Variants in POFUT2 observed in about 807,000 individuals in gnomAD.
The protein encoded by POFUT2 is GDP-fucose protein O-fucosyltransferase 2.
POFUT2 carries 30 observed loss-of-function variants against 55.0 expected under a neutral mutation model. The ratio of observed to expected loss-of-function variants is 0.55; its 90% CI spans 0.41 to 0.74. The LOEUF (loss-of-function observed/expected upper bound fraction) is 0.74. POFUT2 is among the 30% of genes least tolerant of loss of function. The pLI is 0.00. For synonymous variants in POFUT2, 267 were observed against 231.1 expected (o/e 1.16, Z -1.41); for missense variants, 524 against 562.6 (o/e 0.93, Z 0.69).
Position 45,265,878 on chromosome 21 carries a change from A to G in POFUT2, c.1137-243T>C. 1 of 1,357,398 alleles carries G rather than the reference A, an allele frequency of 7.4e-7. No homozygotes were observed. The highest frequency in any genetic ancestry group is 9.5e-7 in the Non-Finnish European group (1 of 1,049,632). The allele number at this position is 1,357,398 out of a possible 1,614,324, so 84.1% of individuals were successfully genotyped here. On this transcript the variant is annotated intron_variant, in intron 8 of 8. Coordinates refer to ENST00000349485, the MANE Select transcript of POFUT2 (RefSeq NM_133635.6). The surrounding 1 kb of genome is among the most constrained non-coding windows in gnomAD (Gnocchi z 4.6). ...TGCTGCAGCCCCATCCACACCCCAC[A>G]GTCAGCAGCCGCCACGCTCCTGTCC...
chr21:45,283,962 C>A (rs1263535643), intron 2 of POFUT2, among the ~76,000 whole-genome samples: 1 of 152,234 alleles, frequency 6.6e-6, no homozygotes, highest in Non-Finnish European at 1.5e-5. Context: ...CCACCATCTA[C>A]TGCACTGGTG....
At chr21:45,286,570 G>A (rs923016528) in intron 1 of POFUT2, among the ~76,000 whole-genome samples, 1 of 152,168 alleles carries the variant, frequency 6.6e-6, no homozygotes, top group African/African-American at 2.4e-5. Context: ...TGAAAAAGGC[G>A]TATAATACTC....
At position 45,284,118 on chromosome 21, in the gene POFUT2, G is replaced by A. The variant is rs1299624165; in HGVS notation, c.383-591C>T. ...CAAAGGCAGCAGGAATAAAGCGGGA[G>A]GGAGCACCGCGCAGGTGAAGTTCTG... On this transcript the variant is annotated intron_variant, in intron 2 of 8. Transcript: ENST00000349485. The surrounding 1 kb of genome is among the most constrained non-coding windows in gnomAD (Gnocchi z 5.8). Among the ~76,000 whole-genome samples, 3 of 151,808 alleles carry A rather than the reference G, an allele frequency of 2.0e-5. No individual in the cohort carries two copies. Among genetic ancestry groups the A allele is most frequent in the Non-Finnish European group, 4.4e-5 (3 of 68,014 alleles).
At chr21:45,275,441 G>A (rs570277491) in intron 6 of POFUT2, among the ~76,000 whole-genome samples, 76 of 152,300 alleles carry the variant, frequency 5.0e-4, no homozygotes, top group African/African-American at 1.7e-3. Context: ...AGGAAAAGAA[G>A]CCACTATATG....
chr21:45,271,456 A>G (rs2146578632), intron 6 of POFUT2, among the ~76,000 whole-genome samples: 2 of 152,364 alleles, frequency 1.3e-5, no homozygotes, highest in Non-Finnish European at 2.9e-5. Context: ...AGAGTAATCT[A>G]AAAGTTTGGA....
chr21:45,286,295 C>T (rs2031399273), intron 1 of POFUT2, among the ~76,000 whole-genome samples: 1 of 152,076 alleles, frequency 6.6e-6, no homozygotes. Context: ...ATTGATACGT[C>T]CTATGTTAGA....
chr21:45,279,462 C>T (rs192080015), intron 4 of POFUT2, among the ~76,000 whole-genome samples: 2 of 152,168 alleles, frequency 1.3e-5, no homozygotes, highest in African/African-American at 4.8e-5. Flanking sequence ...AGCAACATAT[C>T]TAAGTTGGCA....
intron 7 of POFUT2, 44 bp downstream of exon 7, chr21:45,269,795 A>C (rs2093201569): frequency 6.5e-7 from 1 of 1,549,420 alleles, no homozygotes; most frequent in Non-Finnish European, 8.7e-7. Context: ...TAAAAAAAAT[A>C]AATTAAAAGA....
chr21:45,276,447 T>G (rs1039299560), intron 6 of POFUT2, among the ~76,000 whole-genome samples: 1 of 152,094 alleles, frequency 6.6e-6, no homozygotes, highest in African/African-American at 2.4e-5. Context: ...TAAAAAACGC[T>G]AAAAACAGAC....
chr21:45,273,294 A>G (rs761881632), intron 6 of POFUT2, among the ~76,000 whole-genome samples: 3 of 152,158 alleles, frequency 2.0e-5, no homozygotes, highest in Non-Finnish European at 4.4e-5. Context: ...CAAGAGGATA[A>G]ATTCCTGGAA....
chr21:45,282,350 G>A lies in POFUT2; in HGVS notation c.637C>T (p.Arg213Trp), dbSNP rs771723355. ...APLLLRNTSA[R>W]SVMLDRAENL... ...TCCCGGGGGGCCTGGGGCACTCACC[G>A]GGCTGATGTGTTTCTCAGCAGCAGG... Residue 213 changes from arginine to tryptophan, a missense_variant and splice_region_variant, in exon 4 of 9, where the codon CGG becomes TGG. By Grantham distance (101) the Arg-to-Trp change is moderately radical. Around this residue, in one of 2 missense-constraint regions of POFUT2, gnomAD observed 250 missense variants for 318.2 expected, o/e 0.79. Transcript: ENST00000349485. The surrounding 1 kb of genome is among the most constrained non-coding windows in gnomAD (Gnocchi z 4.6). The A allele has an allele frequency of 6.9e-6, 11 of 1,602,252 alleles. No homozygotes were observed. Among genetic ancestry groups the A allele is most frequent in the African/African-American group, 2.7e-5 (2 of 74,690 alleles).
chr21:45,271,013 T>A (rs983976013), intron 6 of POFUT2, among the ~76,000 whole-genome samples: 1 of 152,178 alleles, frequency 6.6e-6, no homozygotes, highest in Non-Finnish European at 1.5e-5. Flanking sequence ...AAGATCATAG[T>A]AGCTCCCCAG....
intron 4 of POFUT2, among the ~76,000 whole-genome samples, chr21:45,280,296 T>C (rs926653287): frequency 1.2e-4 from 18 of 152,216 alleles, no homozygotes; most frequent in Non-Finnish European, 2.6e-4. Context: ...TCTTTTTCTT[T>C]TTTTTTACTG....
intron 8 of POFUT2, chr21:45,266,567 A>G: frequency 1.9e-6 from 2 of 1,070,452 alleles, no homozygotes; most frequent in Non-Finnish European, 2.3e-6. Flanking sequence ...ACACCTGAGA[A>G]GCAGGGGTGA....
rs1030593176 is a variant in POFUT2 at position 45,264,154 on chromosome 21, G to A, written c.*1328C>T. 6.6e-6 allele frequency: 1 copy of A among 152,258 alleles called. No individual in the cohort carries two copies. Among genetic ancestry groups the A allele is most frequent in the African/African-American group, 2.4e-5 (1 of 41,468 alleles). The allele number at this position is 152,258 out of a possible 1,614,324, so 9.4% of individuals were successfully genotyped here. ...AGGGTCAATTTTAAAAGCTTGAGAA[G>A]ACACAGCAAGGTGATGTCCTAGACT... is the stretch of plus-strand genomic sequence containing the variant. On this transcript the variant is annotated 3_prime_UTR_variant, in exon 9 of 9. Coordinates refer to ENST00000349485, the MANE Select transcript of POFUT2 (RefSeq NM_133635.6).
chr21:45,278,244 C>T, intron 4 of POFUT2, 75 bp from the exon 5 acceptor site: 1 of 1,269,982 alleles, frequency 7.9e-7, no homozygotes, highest in Non-Finnish European at 1.2e-6. Flanking sequence ...AGAGCACAAA[C>T]TGGGAGAACC....
At chr21:45,275,279 C>T (rs1011381619) in intron 6 of POFUT2, among the ~76,000 whole-genome samples, 4 of 152,170 alleles carry the variant, frequency 2.6e-5, no homozygotes, top group African/African-American at 7.2e-5. Context: ...TAATGGATGT[C>T]GGCACGGATG....
At position 45,285,885 on chromosome 21, in the gene POFUT2, G is replaced by A. The variant is rs538791199; in HGVS notation, c.175C>T (p.Arg59Cys). The A allele has an allele frequency of 1.1e-5, 18 of 1,612,156 alleles. No individual in the cohort carries two copies. Among genetic ancestry groups the A allele is most frequent in the East Asian group, 6.7e-5 (3 of 44,874 alleles). ...GCGATTCGGATATAGACATCCCTGC[G>A]CAGGTTGAAGCCTTCCGGGGGGTTG... ...DVNPPEGFNLRRDVYIRIASL... is the reference protein window; with the variant it reads ...DVNPPEGFNLCRDVYIRIASL... The change falls in exon 2 of 9, where the codon CGC (arginine) becomes TGC (cysteine). Residue 59 changes from arginine (R) to cysteine (C), a missense_variant. Around this residue, in one of 2 missense-constraint regions of POFUT2, gnomAD observed 274 missense variants for 244.4 expected, o/e 1.12. Transcript: ENST00000349485. This position sits in a 1 kb window ranked among gnomAD's most constrained non-coding sequence, Gnocchi z 4.9.
chr21:45,267,804 T>G lies in POFUT2; in HGVS notation c.1013-91A>C. On this transcript the variant is annotated intron_variant, in intron 7 of 8. Coordinates refer to ENST00000349485, the MANE Select transcript of POFUT2 (RefSeq NM_133635.6). The surrounding 1 kb of genome is among the most constrained non-coding windows in gnomAD (Gnocchi z 4.4). ...TAGCAGACAGACATGCGTACTTGGCTTCTGGTTAATTCGTTAGGAACTGGC... is the reference window on the plus strand; with the variant it reads ...TAGCAGACAGACATGCGTACTTGGCGTCTGGTTAATTCGTTAGGAACTGGC... 8.7e-7 allele frequency: 1 copy of G among 1,142,980 alleles called. No homozygotes were observed. The highest frequency in any genetic ancestry group is 1.3e-6 in the Non-Finnish European group (1 of 781,340). The allele number at this position is 1,142,980 out of a possible 1,614,324, so 70.8% of individuals were successfully genotyped here.
Sources: gnomAD v4.1 joint callset for allele counts (sites outside exome capture counted in the v4.1 genomes callset) on GRCh38, gnomAD v4.1.1 for gene constraint, gnomAD v4.1.1 regional missense constraint, Gnocchi (gnomAD v3.1) non-coding constraint, MANE v1.5 for transcripts, NCBI Gene and HGNC (gene_info 2026-07-23, HGNC 2026-07-21) for gene names.